Variants in SLC71A2 observed in about 807,000 individuals in gnomAD.
SLC71A2 encodes hippocampus abundant transcript-like 1.
the SLC71A2 span, among the ~76,000 whole-genome samples, chr9:94,380,126 G>C: frequency 6.6e-6 from 1 of 152,166 alleles, no homozygotes; most frequent in African/African-American, 2.4e-5. Flanking sequence ...AATTAGCCAG[G>C]CGTGGTGGTG....
the SLC71A2 span, among the ~76,000 whole-genome samples, chr9:94,419,139 G>A: frequency 7.9e-4 from 119 of 151,456 alleles, no homozygotes; most frequent in African/African-American, 2.7e-3. Context: ...TAAGAGACAG[G>A]GTCTTGCCCT....
At chr9:94,389,759 A>G in the SLC71A2 span, among the ~76,000 whole-genome samples, 2 of 151,558 alleles carry the variant, frequency 1.3e-5, no homozygotes, top group African/African-American at 4.8e-5. Context: ...GGTGTGCACC[A>G]CCATGCCTGG....
chr9:94,455,601 T>G, the SLC71A2 span, among the ~76,000 whole-genome samples: 1 of 152,158 alleles, frequency 6.6e-6, no homozygotes, highest in African/African-American at 2.4e-5. Flanking sequence ...AGTAGCTGAT[T>G]TAGTCACATT....
At chr9:94,384,104 A>G in the SLC71A2 span, among the ~76,000 whole-genome samples, 3 of 152,174 alleles carry the variant, frequency 2.0e-5, no homozygotes, top group Admixed American at 2.0e-4. Flanking sequence ...TTCCAGAACT[A>G]CTTCTTCTTT....
the SLC71A2 span, among the ~76,000 whole-genome samples, chr9:94,378,341 A>T: frequency 6.6e-6 from 1 of 151,974 alleles, no homozygotes; most frequent in Non-Finnish European, 1.5e-5. Flanking sequence ...GGGAGGGAGC[A>T]AGAGAGAGAG....
the SLC71A2 span, among the ~76,000 whole-genome samples, chr9:94,381,248 C>A: frequency 5.9e-3 from 890 of 150,300 alleles, 5 homozygotes; most frequent in African/African-American, 0.02. Context: ...GTTGGTCAGG[C>A]TGGTCTCAAA....
chr9:94,404,043 C>T, the SLC71A2 span, among the ~76,000 whole-genome samples: 1 of 152,132 alleles, frequency 6.6e-6, no homozygotes, highest in African/African-American at 2.4e-5. Context: ...TTTGCCCTTC[C>T]ACCTTCTGCT....
At chr9:94,451,727 T>A in the SLC71A2 span, among the ~76,000 whole-genome samples, 1 of 152,240 alleles carries the variant, frequency 6.6e-6, no homozygotes, top group Non-Finnish European at 1.5e-5. Flanking sequence ...TCCACAGAAC[T>A]ATTCCTTCTT....
At chr9:94,443,316 G>C in the SLC71A2 span, among the ~76,000 whole-genome samples, 1 of 152,132 alleles carries the variant, frequency 6.6e-6, no homozygotes, top group Non-Finnish European at 1.5e-5. Flanking sequence ...CAGCATGCAA[G>C]GCTGCCTGGA....
At chr9:94,400,568 GA>G in the SLC71A2 span, among the ~76,000 whole-genome samples, 55 of 136,948 alleles carry the variant, frequency 4.0e-4, no homozygotes, top group East Asian at 1.3e-3. Flanking sequence ...GCTTCCAAAT[GA>G]AAAAAAAAAA....
chr9:94,426,404 G>C, the SLC71A2 span, among the ~76,000 whole-genome samples: 1 of 151,968 alleles, frequency 6.6e-6, no homozygotes, highest in African/African-American at 2.4e-5. Context: ...GTTTCTTTCT[G>C]GGTTCTGGAA....
At chr9:94,433,870 CAATG>C in the SLC71A2 span, among the ~76,000 whole-genome samples, 1 of 152,024 alleles carries the variant, frequency 6.6e-6, no homozygotes, top group South Asian at 2.1e-4. Context: ...TGGAAAGAAA[CAATG>C]AATTCAAAAT....
chr9:94,383,129 AT>A, the SLC71A2 span, among the ~76,000 whole-genome samples: 2 of 148,098 alleles, frequency 1.4e-5, no homozygotes, highest in South Asian at 2.2e-4. Context: ...TTGCTGAAAA[AT>A]ATGTTTTTAT....
the SLC71A2 span, chr9:94,460,949 A>C: frequency 6.6e-6 from 1 of 151,990 alleles, no homozygotes; most frequent in African/African-American, 2.4e-5. Flanking sequence ...TAAAGCAAAT[A>C]GTATTGCTCT....
chr9:94,450,192 TGTATG>T, the SLC71A2 span, among the ~76,000 whole-genome samples: 2 of 152,338 alleles, frequency 1.3e-5, no homozygotes, highest in Non-Finnish European at 2.9e-5. Flanking sequence ...ATGGGTGAAT[TGTATG>T]GTATTTAAAT....
At chr9:94,395,125 G>A in the SLC71A2 span, among the ~76,000 whole-genome samples, 2 of 138,646 alleles carry the variant, frequency 1.4e-5, no homozygotes, top group African/African-American at 5.4e-5. Context: ...TGTTGGCCAG[G>A]CTGGTCTTGA....
the SLC71A2 span, among the ~76,000 whole-genome samples, chr9:94,411,229 C>T: frequency 6.8e-6 from 1 of 147,818 alleles, no homozygotes; most frequent in African/African-American, 2.5e-5. Context: ...AGGAATACCT[C>T]CCCATATTCA....
the SLC71A2 span, among the ~76,000 whole-genome samples, chr9:94,434,802 T>A: frequency 1.8e-3 from 279 of 152,330 alleles, no homozygotes; most frequent in African/African-American, 6.4e-3. Flanking sequence ...TTCCCTTTCA[T>A]AGGTAAGTAA....
the SLC71A2 span, among the ~76,000 whole-genome samples, chr9:94,382,172 A>C: frequency 2.0e-5 from 3 of 150,976 alleles, no homozygotes; most frequent in African/African-American, 7.3e-5. Flanking sequence ...GACTACAGGC[A>C]TATGCCACCA....
Sources: gnomAD v4.1 joint callset for allele counts (sites outside exome capture counted in the v4.1 genomes callset) on GRCh38, gnomAD v4.1.1 for gene constraint, MANE v1.5 for transcripts, NCBI Gene and HGNC (gene_info 2026-07-23, HGNC 2026-07-21) for gene names.